MIR2052HG: variants seen among roughly 807,000 people sequenced by gnomAD.
MIR2052HG encodes the protein MIR2052 host gene.
intron 2 of MIR2052HG, among the ~76,000 whole-genome samples, chr8:74,692,307 G>A (rs1021218090): frequency 1.3e-5 from 2 of 152,120 alleles, no homozygotes; most frequent in Non-Finnish European, 2.9e-5. Context: ...GCCTAGGCTG[G>A]TCTCAAATTC....
chr8:74,644,181 C>A (rs1808667969), intron 2 of MIR2052HG, among the ~76,000 whole-genome samples: 1 of 152,274 alleles, frequency 6.6e-6, no homozygotes, highest in South Asian at 2.1e-4. Context: ...TCACATTGTG[C>A]ATTTTTAGGA....
intron 2 of MIR2052HG, among the ~76,000 whole-genome samples, chr8:74,691,654 G>T (rs1809240839): frequency 6.6e-6 from 1 of 152,150 alleles, no homozygotes; most frequent in African/African-American, 2.4e-5. Context: ...TTTTTGCATT[G>T]AAGGCTATAG....
chr8:74,648,894 CCTTT>C (rs1808723064), intron 2 of MIR2052HG, among the ~76,000 whole-genome samples: 2 of 152,194 alleles, frequency 1.3e-5, no homozygotes, highest in African/African-American at 4.8e-5. Flanking sequence ...TTTGATTATG[CCTTT>C]CTTTCTATGA....
At chr8:74,604,382 C>CG (rs1808076195) in intron 1 of MIR2052HG, 2 of 83,368 alleles carry the variant, frequency 2.4e-5, no homozygotes, top group Middle Eastern at 4.4e-3. Context: ...GGCGGGAGGC[C>CG]GGGGGCGGAA....
intron 2 of MIR2052HG, among the ~76,000 whole-genome samples, chr8:74,642,646 A>T (rs934552436): frequency 1.3e-5 from 2 of 152,208 alleles, no homozygotes; most frequent in Admixed American, 6.5e-5. Flanking sequence ...CAGAGTCTTT[A>T]GAAGGCAGTA....
intron 1 of MIR2052HG, among the ~76,000 whole-genome samples, chr8:74,608,178 C>T (rs949871434): frequency 4.6e-5 from 7 of 151,872 alleles, no homozygotes; most frequent in Admixed American, 1.3e-4. Flanking sequence ...ATCACCTTTT[C>T]GGTGGGTGAG....
intron 4 of MIR2052HG, among the ~76,000 whole-genome samples, chr8:74,745,260 C>T (rs375910062): frequency 1.3e-5 from 2 of 151,938 alleles, no homozygotes; most frequent in Non-Finnish European, 1.5e-5. Flanking sequence ...TAGACCTCAT[C>T]TCAAAAACAA....
rs145457215 is a variant in MIR2052HG at position 74,704,595 on chromosome 8, G to A, written n.371+913G>A. Among the ~76,000 whole-genome samples the A allele has an allele frequency of 2.7e-3, 416 of 152,052 alleles. 2 individuals carry two copies. Among genetic ancestry groups the A allele is most frequent in the African/African-American group, 9.1e-3 (376 of 41,502 alleles). On this transcript the variant is annotated intron_variant and non_coding_transcript_variant, in intron 4 of 6. Coordinates refer to ENST00000523442, the Ensembl canonical transcript of MIR2052HG. ...CAGGCCTCTCTGGGATTTCTTCAGG[G>A]TGAATCAACTTTATTCTCCTCAGGA...
intron 1 of MIR2052HG, among the ~76,000 whole-genome samples, chr8:74,608,526 A>G (rs1463961716): frequency 2.6e-5 from 4 of 152,202 alleles, no homozygotes; most frequent in East Asian, 1.9e-4. Context: ...TTTTCAATGT[A>G]TATTTTATGT....
intron 2 of MIR2052HG, among the ~76,000 whole-genome samples, chr8:74,687,813 T>A (rs1809198569): frequency 6.6e-6 from 1 of 152,288 alleles, no homozygotes; most frequent in African/African-American, 2.4e-5. Flanking sequence ...ATTTATTAAC[T>A]GGGTAGATTT....
intron 4 of MIR2052HG, among the ~76,000 whole-genome samples, chr8:74,719,849 CTTT>C (rs10647233): frequency 9.4e-6 from 1 of 106,714 alleles, no homozygotes; most frequent in Non-Finnish European, 1.8e-5. Flanking sequence ...TTTCTTTTTT[CTTT>C]TTTTTTTTTT....
At chr8:74,727,223 T>G (rs181134363) in intron 4 of MIR2052HG, among the ~76,000 whole-genome samples, 1 of 152,196 alleles carries the variant, frequency 6.6e-6, no homozygotes, top group Non-Finnish European at 1.5e-5. Flanking sequence ...TGTAAGCATA[T>G]CCTTGTACTG....
At chr8:74,677,588 A>G (rs1298587579) in intron 2 of MIR2052HG, among the ~76,000 whole-genome samples, 2 of 152,100 alleles carry the variant, frequency 1.3e-5, no homozygotes, top group African/African-American at 4.8e-5. Context: ...TGTCTAAATA[A>G]TTCATAGGTC....
chr8:74,698,520 A>T (rs540801853), intron 2 of MIR2052HG, among the ~76,000 whole-genome samples: 13 of 152,346 alleles, frequency 8.5e-5, no homozygotes, highest in African/African-American at 3.1e-4. Flanking sequence ...ACTTAATTAA[A>T]CTAAAAAGCT....
At chr8:74,620,381 G>A (rs995470465) in intron 2 of MIR2052HG, among the ~76,000 whole-genome samples, 2 of 152,172 alleles carry the variant, frequency 1.3e-5, no homozygotes, top group African/African-American at 4.8e-5. Context: ...CTCTGTGTGG[G>A]GTCACCAACC....
At chr8:74,662,441 G>C (rs190774570) in intron 2 of MIR2052HG, among the ~76,000 whole-genome samples, 2 of 151,942 alleles carry the variant, frequency 1.3e-5, no homozygotes, top group African/African-American at 4.8e-5. Flanking sequence ...GCTGAGGGGT[G>C]GGGGGCAAGG....
chr8:74,621,524 G>A (rs954499991), intron 2 of MIR2052HG, among the ~76,000 whole-genome samples: 1 of 152,184 alleles, frequency 6.6e-6, no homozygotes, highest in African/African-American at 2.4e-5. Context: ...GGAGAAGCAG[G>A]CACCCTCTTC....
At chr8:74,657,320 T>G (rs1224968780) in intron 2 of MIR2052HG, among the ~76,000 whole-genome samples, 1 of 152,194 alleles carries the variant, frequency 6.6e-6, no homozygotes. Flanking sequence ...AAATGAAGTT[T>G]AGAGTTTTGT....
chr8:74,732,970 T>C (rs1809708163), intron 4 of MIR2052HG, among the ~76,000 whole-genome samples: 1 of 152,174 alleles, frequency 6.6e-6, no homozygotes, highest in Non-Finnish European at 1.5e-5. Flanking sequence ...AAGATGGATG[T>C]TATCTGGTTT....
Sources: allele counts gnomAD v4.1 joint callset (sites outside exome capture counted in the v4.1 genomes callset), GRCh38; gene constraint gnomAD v4.1.1; transcripts MANE v1.5; gene names NCBI Gene and HGNC (gene_info 2026-07-23, HGNC 2026-07-21).